Variants in SRGAP2 observed in about 807,000 individuals in gnomAD.
SRGAP2 encodes the protein SLIT-ROBO Rho GTPase-activating protein 2.
In SRGAP2, 15 loss-of-function variants were observed where a neutral mutation model predicts 57.2. The ratio of observed to expected loss-of-function variants is 0.26; its 90% CI spans 0.18 to 0.40. SRGAP2 has a LOEUF of 0.40. SRGAP2 is among the 10% of genes least tolerant of loss of function. The pLI, the probability that SRGAP2 is intolerant of heterozygous loss-of-function variation, is 1.00. For synonymous variants in SRGAP2, 249 were observed against 248.0 expected, an observed-to-expected ratio of 1.00 and a Z score of -0.04; for missense variants, 520 against 669.6, an observed-to-expected ratio of 0.78 and a Z score of 2.47.
At chr1:206,262,439 ACT>A (rs1254789833) in intron 2 of SRGAP2, among the ~76,000 whole-genome samples, 3 of 146,424 alleles carry the variant, frequency 2.0e-5, no homozygotes, top group Admixed American at 2.0e-4. Flanking sequence ...AAAGGAAGGC[ACT>A]CTCTTTTACA....
At chr1:206,341,459 T>C (rs1553335202) in intron 3 of SRGAP2, among the ~76,000 whole-genome samples, 1 of 152,138 alleles carries the variant, frequency 6.6e-6, no homozygotes, top group Admixed American at 6.6e-5. Context: ...CTACTTTTCC[T>C]CATCTGCCAA....
intron 4 of SRGAP2, among the ~76,000 whole-genome samples, chr1:206,355,909 G>A (rs1159045242): frequency 2.0e-5 from 3 of 152,090 alleles, no homozygotes; most frequent in African/African-American, 7.2e-5. Flanking sequence ...AGAGGTTGCA[G>A]TGAGCCAAGA....
At chr1:206,240,564 T>C (rs1297046629) in intron 2 of SRGAP2, among the ~76,000 whole-genome samples, 1 of 152,128 alleles carries the variant, frequency 6.6e-6, no homozygotes, top group African/African-American at 2.4e-5. Flanking sequence ...TAGTTTCATA[T>C]CCAGTTTCTG....
chr1:206,372,976 TC>T (rs1654780934), intron 4 of SRGAP2, among the ~76,000 whole-genome samples: 1 of 49,852 alleles, frequency 2.0e-5, no homozygotes. Context: ...TTTCTTTCTT[TC>T]TTTCTTTCTT....
At chr1:206,418,926 GTGTGTGTGTGTA>G (rs1660034848) in intron 11 of SRGAP2, among the ~76,000 whole-genome samples, 3 of 150,546 alleles carry the variant, frequency 2.0e-5, no homozygotes, top group South Asian at 2.1e-4. Flanking sequence ...GTGTGTGTGT[GTGTGTGTGTGTA>G]TACTCAGGAG....
intron 13 of SRGAP2, among the ~76,000 whole-genome samples, chr1:206,428,253 A>T (rs1436212831): frequency 6.6e-6 from 1 of 151,884 alleles, no homozygotes; most frequent in Non-Finnish European, 1.5e-5. Context: ...TGTCTCTACT[A>T]AAAATACAAA....
chr1:206,225,431 G>A (rs551054297), intron 2 of SRGAP2, among the ~76,000 whole-genome samples: 1 of 151,112 alleles, frequency 6.6e-6, no homozygotes, highest in Non-Finnish European at 1.5e-5. Context: ...TTGGGAGACA[G>A]GGAGAACGAT....
intron 22 of SRGAP2, among the ~76,000 whole-genome samples, chr1:206,460,531 G>A (rs1664173798): frequency 6.6e-6 from 1 of 152,120 alleles, no homozygotes; most frequent in African/African-American, 2.4e-5. Context: ...CTCAGCCCCT[G>A]AGGAGGAAGG....
At chr1:206,353,301 A>AT (rs1429447341) in intron 4 of SRGAP2, among the ~76,000 whole-genome samples, 16 of 151,776 alleles carry the variant, frequency 1.1e-4, no homozygotes, top group Admixed American at 9.8e-4. Flanking sequence ...TATTCTGTCC[A>AT]TTTTTTTCAA....
At chr1:206,205,252 C>T in intron 1 of SRGAP2, 177 bp from the exon 2 acceptor site, 1 of 149,154 alleles carries the variant, frequency 6.7e-6, no homozygotes, top group East Asian at 2.0e-4. Flanking sequence ...CCTTAAAATC[C>T]GGAGGGAGCT....
intron 13 of SRGAP2, among the ~76,000 whole-genome samples, chr1:206,422,770 C>T (rs117300556): frequency 0.013 from 1,908 of 152,298 alleles, 24 homozygotes; most frequent in South Asian, 0.026. Context: ...TGGTTTGCAT[C>T]CTGCTGCACA....
intron 2 of SRGAP2, among the ~76,000 whole-genome samples, chr1:206,275,740 C>T (rs1421039526): frequency 1.3e-5 from 2 of 151,424 alleles, no homozygotes; most frequent in Non-Finnish European, 3.0e-5. Context: ...CCTCAGCCTC[C>T]CAAGTAGCTG....
chr1:206,349,738 T>TAG (rs1179728678), intron 4 of SRGAP2, among the ~76,000 whole-genome samples: 154 of 122,810 alleles, frequency 1.3e-3, no homozygotes, highest in African/African-American at 4.5e-3. Context: ...AACAGAGTCA[T>TAG]AGAGAGAGGA....
rs1482047213 is a variant in SRGAP2, at chr1:206,446,168, C to T, written c.1968C>T (p.Asp656=). 2 of 780,828 alleles carry T rather than the reference C, an allele frequency of 2.6e-6. No individual in the cohort carries two copies. Among genetic ancestry groups the T allele is most frequent in the African/African-American group, 3.4e-5 (2 of 59,140 alleles). The allele number at this position is 780,828 out of a possible 1,614,324, so 48.4% of individuals were successfully genotyped here. A position where few individuals can be genotyped will look rare whatever the true frequency, so the allele number is the denominator to read the frequency against. ...PSLMSVPEGH[D]QVSCQAHVNE... is the part of the protein sequence containing the mutation. ...TAATGTCAGTGCCAGAGGGCCACGA[C>T]CAGGTGTCCTGCCAAGCCCACGTGA... The change falls in exon 18 of 23, where the codon GAC becomes GAT. Residue 656 remains aspartate, a synonymous_variant. Transcript: ENST00000573034.
In SRGAP2 at chr1:206,289,253, A is replaced by T. The variant is rs1671174830; in HGVS notation, c.68-14028A>T. Reference sequence around the variant, plus strand: ...ATATAATTTATCTTTGAATATTTCAATATTTAAGAGATAAGGAGGTTTTTT... The same window carrying T: ...ATATAATTTATCTTTGAATATTTCATTATTTAAGAGATAAGGAGGTTTTTT... On this transcript the variant is annotated intron_variant, in intron 2 of 22. Coordinates refer to ENST00000573034, the MANE Select transcript of SRGAP2 (RefSeq NM_015326.5). Among the ~76,000 whole-genome samples, 9 of 142,904 alleles carry T rather than the reference A, an allele frequency of 6.3e-5. No individual in the cohort carries two copies. In the South Asian group the frequency reaches 2.0e-3, roughly 31 times the overall value. The allele number at this position is 142,904 out of a possible 152,430, so 93.8% of individuals were successfully genotyped here. A position where few individuals can be genotyped will look rare whatever the true frequency, so the allele number is the denominator to read the frequency against.
At chr1:206,268,087 T>A (rs186967327) in intron 2 of SRGAP2, among the ~76,000 whole-genome samples, 5,728 of 150,272 alleles carry the variant, frequency 0.038, 189 homozygotes, top group African/African-American at 0.1. Context: ...ATATATTTTT[T>A]TTTTTTTTTA....
chr1:206,433,137 T>C (rs1449904998), intron 14 of SRGAP2, among the ~76,000 whole-genome samples: 2 of 152,148 alleles, frequency 1.3e-5, no homozygotes, highest in Admixed American at 6.5e-5. Context: ...GAAGAAGATA[T>C]AAGAATATCC....
chr1:206,390,807 A>G (rs1265557807), intron 5 of SRGAP2, among the ~76,000 whole-genome samples: 4 of 151,912 alleles, frequency 2.6e-5, no homozygotes, highest in African/African-American at 9.7e-5. Flanking sequence ...AAATATGAAG[A>G]GTATTATCCT....
rs1558359593 is a variant in SRGAP2 at position 206,373,017 on chromosome 1, CTTT to C, written c.424-10996_424-10994del. Among the ~76,000 whole-genome samples the C allele has an allele frequency of 8.3e-4, 81 of 98,018 alleles. 2 individuals carry two copies. The highest frequency in any genetic ancestry group is 1.2e-3 in the Non-Finnish European group (58 of 48,186). The allele number at this position is 98,018 out of a possible 152,430, so 64.3% of individuals were successfully genotyped here. The stretch of plus-strand genomic sequence containing the variant: ...TCTTTCTTTCTTTCTTTCTTTCTTT[CTTT>C]CTTTCTTTTCTTTCTCTCTCTCTCT... On this transcript the variant is annotated intron_variant, in intron 4 of 22. Coordinates refer to ENST00000573034, the MANE Select transcript of SRGAP2 (RefSeq NM_015326.5).
Sources: gnomAD v4.1 joint callset for allele counts (sites outside exome capture counted in the v4.1 genomes callset) on GRCh38, gnomAD v4.1.1 for gene constraint, MANE v1.5 for transcripts, NCBI Gene and HGNC (gene_info 2026-07-23, HGNC 2026-07-21) for gene names.